KDM5D: variants seen among roughly 807,000 people sequenced by gnomAD.
The protein encoded by KDM5D is lysine demethylase 5D.
Under a neutral mutation model 31.9 loss-of-function variants are expected in KDM5D, and 25 were observed. That is an observed-to-expected ratio of 0.78 (90% CI 0.57 to 1.09). The LOEUF (loss-of-function observed/expected upper bound fraction) is 1.09, where lower values mean the gene tolerates loss of function less well. Ranked by LOEUF, KDM5D falls within the 50% of genes least tolerant of loss-of-function variation. The probability of loss-of-function intolerance (pLI) is 0.00; values close to 1 mark genes in which losing one functional copy is unlikely to be tolerated. For missense variants in KDM5D, 366 were observed against 341.6 expected (o/e 1.07, Z -0.56); for synonymous variants, 146 against 122.3 (o/e 1.19, Z -1.28).
chrY:19,732,764 T>G, intron 8 of KDM5D, 22 bp from the exon 9 acceptor site: 1 of 299,235 alleles, frequency 3.3e-6, no homozygotes, highest in South Asian at 3.6e-5. Flanking sequence ...AAAAAAAAAG[T>G]AAAAAATTTA....
chrY:19,741,795 G>A lies in KDM5D; in HGVS notation c.291C>T (p.Gly97=). 1 of 387,781 alleles carries A rather than the reference G, an allele frequency of 2.6e-6. No homozygotes were observed. The highest frequency in any genetic ancestry group is 3.7e-6 in the Non-Finnish European group (1 of 273,816). ...CCACATTGGGAATCTTTAAAGAGGA[G>A]CCTTGAATTTCCCAGAATTTTGCAA... ...DQIAKFWEIQ[G]SSLKIPNVER... is the part of the protein sequence containing the mutation. Residue 97 remains glycine, a synonymous_variant, in exon 4 of 27, where the codon GGC becomes GGT. Transcript: ENST00000317961.
chrY:19,738,955 T>G, intron 6 of KDM5D, among the ~76,000 whole-genome samples: 1 of 33,505 alleles, frequency 3.0e-5, no homozygotes, highest in Non-Finnish European at 7.4e-5. Context: ...TATTCCTGCT[T>G]CTTCTGCATA....
At chrY:19,716,837 T>C (rs746275022) in intron 13 of KDM5D, 122 bp from the exon 14 acceptor site, 6 of 182,627 alleles carry the variant, frequency 3.3e-5, no homozygotes, top group Non-Finnish European at 5.7e-5. Flanking sequence ...TATCTTCAAG[T>C]ACGTGTCCTA....
At chrY:19,713,878 A>C in intron 18 of KDM5D, among the ~76,000 whole-genome samples, 1 of 33,609 alleles carries the variant, frequency 3.0e-5, no homozygotes, top group Non-Finnish European at 7.4e-5. Context: ...CATTCACAAA[A>C]GCAAAGACAT....
intron 6 of KDM5D, among the ~76,000 whole-genome samples, chrY:19,738,372 T>G (rs1029650757): frequency 3.0e-5 from 1 of 33,458 alleles, no homozygotes; most frequent in African/African-American, 1.2e-4. Flanking sequence ...TAATCTTAAC[T>G]AGATAAAATT....
chrY:19,737,858 C>T (rs2045520781), intron 6 of KDM5D, among the ~76,000 whole-genome samples: 2 of 32,783 alleles, frequency 6.1e-5, no homozygotes, highest in African/African-American at 2.4e-4. Flanking sequence ...GAGTCTTGCT[C>T]AGTCACCCAG....
chrY:19,708,990 A>G lies in KDM5D; in HGVS notation c.2966T>C (p.Leu989Ser), dbSNP rs2045272464. Reference sequence around the variant, plus strand: ...TTCTGTCTCACGAATTATGGCTTCCAATGTGGCTGGTGGATGCTTCTGCCT... The same window carrying G: ...TTCTGTCTCACGAATTATGGCTTCCGATGTGGCTGGTGGATGCTTCTGCCT... ...EARQKHPPAT[L>S]EAIIRETENI... The change falls in exon 21 of 27, where the codon TTG becomes TCG. Residue 989 changes from leucine (L) to serine (S), a missense_variant. Coordinates refer to ENST00000317961, the MANE Select transcript of KDM5D (RefSeq NM_004653.5). The G allele has an allele frequency of 2.5e-6, 1 of 396,545 alleles. No homozygotes were observed. The highest frequency in any genetic ancestry group is 3.5e-6 in the Non-Finnish European group (1 of 282,723).
In KDM5D at chrY:19,726,907, T is replaced by C. The variant is rs1569365535; in HGVS notation, c.1371+4865A>G. 2.1e-4 allele frequency among the ~76,000 whole-genome samples: 7 copies of C among 33,410 alleles called. No homozygotes were observed. The East Asian group carries it at 3.1e-3, about 15-fold the overall frequency. The allele number at this position is 33,410 out of a possible 37,273, so 89.6% of individuals were successfully genotyped here. On this transcript the variant is annotated intron_variant, in intron 11 of 26. Coordinates refer to ENST00000317961, the MANE Select transcript of KDM5D (RefSeq NM_004653.5). ...TAAGAAAATTATATGATTATACTTATCTGCAGTATTGTAAAACAATAGTTC... is the reference window on the plus strand; with the variant it reads ...TAAGAAAATTATATGATTATACTTACCTGCAGTATTGTAAAACAATAGTTC...
chrY:19,708,498 G>T, intron 21 of KDM5D, 75 bp from the exon 22 acceptor site: 1 of 199,242 alleles, frequency 5.0e-6, no homozygotes, highest in Non-Finnish European at 8.3e-6. Context: ...AGTAATACTG[G>T]GTATTATACT....
intron 18 of KDM5D, 57 bp from the exon 19 acceptor site, chrY:19,710,529 T>G: frequency 4.4e-6 from 1 of 225,072 alleles, no homozygotes; most frequent in South Asian, 3.7e-5. Flanking sequence ...TTTGAGACTT[T>G]TAATATACTT....
chrY:19,731,879 T>C lies in KDM5D; in HGVS notation c.1264A>G (p.Ile422Val). ...EKEFWRLVSS[I>V]EEDVTVEYGA... is the part of the protein sequence containing the mutation. ...TATTCAACTGTCACGTCTTCCTCAA[T>C]GCTGCTCACCAGCCTCCAGAATTCC... The change falls in exon 11 of 27, where the codon ATT becomes GTT. Residue 422 changes from isoleucine to valine, a missense_variant. Coordinates refer to ENST00000317961, the MANE Select transcript of KDM5D (RefSeq NM_004653.5). 2.5e-6 allele frequency: 1 copy of C among 397,876 alleles called. No homozygotes were observed. The highest frequency in any genetic ancestry group is 3.5e-6 in the Non-Finnish European group (1 of 282,559).
At chrY:19,720,073 A>T (rs2045380651) in intron 13 of KDM5D, among the ~76,000 whole-genome samples, 1 of 32,454 alleles carries the variant, frequency 3.1e-5, no homozygotes, top group East Asian at 7.9e-4. Context: ...AGGCAACTAT[A>T]AAAAAAATAT....
chrY:19,715,285 A>T, intron 18 of KDM5D, 67 bp downstream of exon 18: 1 of 311,339 alleles, frequency 3.2e-6, no homozygotes, highest in Non-Finnish European at 4.9e-6. Flanking sequence ...GTGTGTTTAT[A>T]GTCTATCCAT....
At chrY:19,729,233 A>AAAATG (rs2045456478) in intron 11 of KDM5D, among the ~76,000 whole-genome samples, 1 of 33,309 alleles carries the variant, frequency 3.0e-5, no homozygotes, top group Non-Finnish European at 7.4e-5. Flanking sequence ...ATAAATAAAT[A>AAAATG]AAATGAAATA....
intron 13 of KDM5D, among the ~76,000 whole-genome samples, chrY:19,719,234 GCTTA>G (rs2045376548): frequency 3.0e-5 from 1 of 33,376 alleles, no homozygotes. Flanking sequence ...GATAGCCCAG[GCTTA>G]CTTACTTACT....
At position 19,717,590 on chromosome Y, in the gene KDM5D, A is replaced by G. The variant is rs2124189952; in HGVS notation, c.1717-875T>C. Among the ~76,000 whole-genome samples, 5 of 33,178 alleles carry G rather than the reference A, an allele frequency of 1.5e-4. No homozygotes were observed. The East Asian group carries it at 3.2e-3, about 21-fold the overall frequency. The allele number at this position is 33,178 out of a possible 37,273, so 89.0% of individuals were successfully genotyped here. The stretch of plus-strand genomic sequence containing the variant: ...TGGGAGGCAAATCCTAGAGAAAGAG[A>G]TATTTTGGGAAAAAGGGATTCTAAA... On this transcript the variant is annotated intron_variant, in intron 13 of 26. Transcript: ENST00000317961.
intron 13 of KDM5D, among the ~76,000 whole-genome samples, chrY:19,718,306 A>G (rs767641837): frequency 5.8e-5 from 2 of 34,561 alleles, no homozygotes; most frequent in South Asian, 1.3e-3. Flanking sequence ...TGGTGGAAAC[A>G]ACACAAATGT....
At chrY:19,732,316 T>C in intron 9 of KDM5D, 151 bp from the exon 10 acceptor site, 1 of 170,286 alleles carries the variant, frequency 5.9e-6, no homozygotes, top group Non-Finnish European at 1.0e-5. Context: ...GTTTCTTCAG[T>C]AGGTATTAAA....
chrY:19,706,329 T>C lies in KDM5D; in HGVS notation c.4286A>G (p.His1429Arg). Residue 1429 changes from histidine to arginine, a missense_variant, in exon 27 of 27, where the codon CAT becomes CGT. By Grantham distance (29) the His-to-Arg change is conservative (BLOSUM62 0). Transcript: ENST00000317961. ...CCGGCTCCTTGTCCGACTCCCTTGATGTTCAAATTTTTCCAGCTGCAATCA... is the reference window on the plus strand; with the variant it reads ...CCGGCTCCTTGTCCGACTCCCTTGACGTTCAAATTTTTCCAGCTGCAATCA... ...RTLLELEKFE[H>R]QGSRTRSRAL... The C allele has an allele frequency of 2.6e-6, 1 of 391,172 alleles. No individual in the cohort carries two copies. The highest frequency in any genetic ancestry group is 9.5e-5 in the East Asian group (1 of 10,478).
Sources: gnomAD v4.1 joint callset for allele counts (sites outside exome capture counted in the v4.1 genomes callset) on GRCh38, gnomAD v4.1.1 for gene constraint, MANE v1.5 for transcripts, NCBI Gene and HGNC (gene_info 2026-07-23, HGNC 2026-07-21) for gene names.